Variants in DAPK2 observed in about 807,000 individuals in gnomAD.
DAPK2 encodes death-associated protein kinase 2.
A neutral mutation model predicts 44.1 loss-of-function variants in DAPK2; 35 were observed. The observed-to-expected ratio is 0.79, with a 90% CI of 0.61 to 1.05. DAPK2 has a LOEUF of 1.05. Among genes scored for constraint, DAPK2 ranks in the 50% least tolerant of loss-of-function variants. DAPK2 has a pLI of 0.00. For missense variants in DAPK2, 453 were observed against 483.2 expected, an observed-to-expected ratio of 0.94 and a Z score of 0.59; for synonymous variants, 174 against 182.6, an observed-to-expected ratio of 0.95 and a Z score of 0.38.
At chr15:63,971,661 G>A in intron 2 of DAPK2, 100 bp from the exon 4 acceptor site, 1 of 1,312,264 alleles carries the variant, frequency 7.6e-7, no homozygotes, top group East Asian at 2.5e-5. Context: ...TGACCCCCCA[G>A]GGACCTTGTA....
intron 1 of DAPK2, among the ~76,000 whole-genome samples, chr15:63,995,877 C>T (rs1567261328): frequency 2.6e-5 from 4 of 152,214 alleles, no homozygotes; most frequent in Admixed American, 2.6e-4. Context: ...TCTCCTGACC[C>T]CAAATTATTC....
At chr15:63,997,849 A>G (rs988866905) in intron 1 of DAPK2, among the ~76,000 whole-genome samples, 4 of 152,230 alleles carry the variant, frequency 2.6e-5, no homozygotes, top group Non-Finnish European at 5.9e-5. Context: ...CAGTTCTGTT[A>G]CAAGGTGGCT....
chr15:64,013,196 T>A lies in DAPK2; in HGVS notation c.92+26974A>T, dbSNP rs1266974937. Among the ~76,000 whole-genome samples, 1 of 152,112 alleles carries A rather than the reference T, an allele frequency of 6.6e-6. No homozygotes were observed. Among genetic ancestry groups the A allele is most frequent in the Non-Finnish European group, 1.5e-5 (1 of 68,016 alleles). On this transcript the variant is annotated intron_variant, in intron 1 of 10. Coordinates refer to ENST00000261891, the Ensembl canonical transcript of DAPK2. This position sits in a 1 kb window ranked among gnomAD's most constrained non-coding sequence, Gnocchi z 4.7. ...GTGCACAAAGCAGTCACAATAACATTTTGGTTGTTCTGTAAAATGAGACCA... is the reference window on the plus strand; with the variant it reads ...GTGCACAAAGCAGTCACAATAACATATTGGTTGTTCTGTAAAATGAGACCA...
intron 3 of DAPK2, among the ~76,000 whole-genome samples, chr15:63,945,764 C>T (rs1198172341): frequency 6.6e-6 from 1 of 152,178 alleles, no homozygotes; most frequent in Non-Finnish European, 1.5e-5. Context: ...CATCCAAAGC[C>T]CCTTCAAGCT....
intron 1 of DAPK2, among the ~76,000 whole-genome samples, chr15:63,984,281 A>G (rs1455939758): frequency 2.0e-5 from 3 of 152,218 alleles, no homozygotes; most frequent in African/African-American, 7.2e-5. Flanking sequence ...GACTCGCCTG[A>G]GGTCATCGCA....
At chr15:64,006,815 A>AG (rs1333071587) in intron 1 of DAPK2, among the ~76,000 whole-genome samples, 1 of 152,108 alleles carries the variant, frequency 6.6e-6, no homozygotes, top group African/African-American at 2.4e-5. Flanking sequence ...GGTGCCTGCC[A>AG]GGGGAAGGCC....
At chr15:64,004,602 G>A (rs767675745) in intron 1 of DAPK2, among the ~76,000 whole-genome samples, 4 of 152,230 alleles carry the variant, frequency 2.6e-5, no homozygotes, top group Non-Finnish European at 5.9e-5. Flanking sequence ...CTTCAAGGGT[G>A]GAGATAGGGG....
intron 1 of DAPK2, among the ~76,000 whole-genome samples, chr15:64,015,450 G>A (rs891098549): frequency 5.9e-5 from 9 of 152,220 alleles, no homozygotes; most frequent in Non-Finnish European, 1.3e-4. Flanking sequence ...AGCCTGCAGT[G>A]AGTGGATTGA....
rs1198809682 is a variant in DAPK2 at position 64,040,166 on chromosome 15, C to T, written c.92+4G>A. ...ATCCCCCCACCTCTCACACAGTCTCCTACCTCCCCAGCTCCTCTCCGATGT... is the reference window on the plus strand; with the variant it reads ...ATCCCCCCACCTCTCACACAGTCTCTTACCTCCCCAGCTCCTCTCCGATGT... On this transcript the variant is annotated splice_donor_region_variant and intron_variant, in intron 1 of 10. Transcript: ENST00000261891. The T allele has an allele frequency of 6.2e-7, 1 of 1,612,880 alleles. No homozygotes were observed. The highest frequency in any genetic ancestry group is 1.1e-5 in the South Asian group (1 of 91,066).
At chr15:64,017,053 G>C (rs1243586764) in intron 1 of DAPK2, among the ~76,000 whole-genome samples, 2 of 152,164 alleles carry the variant, frequency 1.3e-5, no homozygotes, top group African/African-American at 2.4e-5. Context: ...TGGATACAAA[G>C]AGATCCACAA....
intron 10 of DAPK2, chr15:63,910,859 A>G (rs926229567): frequency 6.6e-6 from 1 of 152,206 alleles, no homozygotes; most frequent in Non-Finnish European, 1.5e-5. Flanking sequence ...CTGCCAGCCT[A>G]CAGGAAGGTT....
At chr15:63,951,093 A>G (rs559374654) in intron 3 of DAPK2, among the ~76,000 whole-genome samples, 1 of 152,232 alleles carries the variant, frequency 6.6e-6, no homozygotes, top group Admixed American at 6.5e-5. Flanking sequence ...CCTGCATAGA[A>G]TTTTCATCAA....
At position 63,939,795 on chromosome 15, in the gene DAPK2, T is replaced by G. The variant is rs943597774; in HGVS notation, c.454-434A>C. On this transcript the variant is annotated intron_variant, in intron 3 of 10. Transcript: ENST00000261891. The surrounding 1 kb of genome is among the most constrained non-coding windows in gnomAD (Gnocchi z 4.3). ...ATCCCAGCTTAGCCTCTGTTTATAC[T>G]TGGCTTACTGACCTTGGTCTTCCTG... Among the ~76,000 whole-genome samples, 1 of 152,236 alleles carries G rather than the reference T, an allele frequency of 6.6e-6. No individual in the cohort carries two copies.
At chr15:63,935,019 C>T (rs4776678) in intron 4 of DAPK2, among the ~76,000 whole-genome samples, 150,996 of 151,724 alleles carry the variant, frequency 1, 75,141 homozygotes, top group East Asian at 1. Context: ...GTATTGGTGG[C>T]AAACTCTATA....
At position 63,990,257 on chromosome 15, in the gene DAPK2, C is replaced by T. The variant is rs1831218047; in HGVS notation, c.93-6503G>A. On this transcript the variant is annotated intron_variant, in intron 1 of 10. Coordinates refer to ENST00000261891, the Ensembl canonical transcript of DAPK2. This position sits in a 1 kb window ranked among gnomAD's most constrained non-coding sequence, Gnocchi z 4.3. Reference sequence around the variant, plus strand: ...AGCCTGGGCCAACAGGACAAAACCCCATCTCTCCTAAAAATACAAAAATTA... The same window carrying T: ...AGCCTGGGCCAACAGGACAAAACCCTATCTCTCCTAAAAATACAAAAATTA... Among the ~76,000 whole-genome samples, 1 of 152,014 alleles carries T rather than the reference C, an allele frequency of 6.6e-6. No individual in the cohort carries two copies. Among genetic ancestry groups the T allele is most frequent in the Non-Finnish European group, 1.5e-5 (1 of 68,002 alleles).
chr15:64,018,551 T>G (rs762696939), intron 1 of DAPK2, among the ~76,000 whole-genome samples: 1 of 151,998 alleles, frequency 6.6e-6, no homozygotes, highest in Non-Finnish European at 1.5e-5. Context: ...CAGATGAAAG[T>G]CCCTCCCAGA....
At chr15:63,920,612 C>A (rs2079046236) in intron 8 of DAPK2, 1 of 152,176 alleles carries the variant, frequency 6.6e-6, no homozygotes, top group South Asian at 2.1e-4. Flanking sequence ...GAAAAGGAGA[C>A]AGGATTCTGA....
chr15:63,915,199 C>T (rs934544318), intron 8 of DAPK2, among the ~76,000 whole-genome samples: 2 of 152,052 alleles, frequency 1.3e-5, no homozygotes, highest in African/African-American at 2.4e-5. Context: ...TTACTTTTTG[C>T]GTATTTCTGA....
At chr15:63,991,652 G>C (rs928408071) in intron 1 of DAPK2, among the ~76,000 whole-genome samples, 1 of 152,198 alleles carries the variant, frequency 6.6e-6, no homozygotes, top group African/African-American at 2.4e-5. Flanking sequence ...AAGCTCCAGG[G>C]AACACAGTTT....
Sources: allele counts gnomAD v4.1 joint callset (sites outside exome capture counted in the v4.1 genomes callset), GRCh38; gene constraint gnomAD v4.1.1; non-coding constraint Gnocchi (gnomAD v3.1); transcripts MANE v1.5; gene names NCBI Gene and HGNC (gene_info 2026-07-23, HGNC 2026-07-21).